PTPRN2: variants seen among roughly 807,000 people sequenced by gnomAD.
PTPRN2 encodes protein tyrosine phosphatase receptor type N2.
In PTPRN2, 74 loss-of-function variants were observed where a neutral mutation model predicts 118.8. That is an observed-to-expected ratio of 0.62 (90% confidence interval 0.52 to 0.76). PTPRN2 has a LOEUF of 0.76. Among genes scored for constraint, PTPRN2 ranks in the 30% least tolerant of loss-of-function variants. PTPRN2 has a pLI of 0.00. For synonymous variants in PTPRN2, 641 were observed against 608.0 expected (o/e 1.05, Z -0.80); for missense variants, 1,481 against 1,394.4 (o/e 1.06, Z -0.99).
At chr7:157,931,549 C>G (rs1799357636) in intron 11 of PTPRN2, among the ~76,000 whole-genome samples, 1 of 152,194 alleles carries the variant, frequency 6.6e-6, no homozygotes, top group African/African-American at 2.4e-5. Flanking sequence ...GAGGCACATG[C>G]CTTCGTGTGG....
chr7:158,461,365 A>G (rs946700668), intron 2 of PTPRN2, among the ~76,000 whole-genome samples: 3 of 152,174 alleles, frequency 2.0e-5, no homozygotes, highest in Middle Eastern at 3.4e-3. Context: ...GCGTGGTGGC[A>G]GGCGCCTGTA....
rs1009954408 is a variant in PTPRN2 at position 157,869,356 on chromosome 7, A to C, written c.1788+29317T>G. Among the ~76,000 whole-genome samples the C allele has an allele frequency of 6.6e-6, 1 of 152,256 alleles. No homozygotes were observed. The highest frequency in any genetic ancestry group is 1.5e-5 in the Non-Finnish European group (1 of 68,044). ...GATGACAGAGTTACACTTAATGCCAAAGTAAAGAAAAAGTTTACATTTTTC... is the reference window on the plus strand; with the variant it reads ...GATGACAGAGTTACACTTAATGCCACAGTAAAGAAAAAGTTTACATTTTTC... On this transcript the variant is annotated intron_variant, in intron 12 of 22. Coordinates refer to ENST00000389418, the MANE Select transcript of PTPRN2 (RefSeq NM_002847.5). The surrounding 1 kb of genome is among the most constrained non-coding windows in gnomAD (Gnocchi z 4.2).
intron 12 of PTPRN2, among the ~76,000 whole-genome samples, chr7:157,880,757 A>C (rs1286381511): frequency 6.6e-6 from 1 of 152,172 alleles, no homozygotes; most frequent in African/African-American, 2.4e-5. Flanking sequence ...AATCGCGCTA[A>C]ATTTTATTCA....
Position 158,502,539 on chromosome 7 carries a change from C to T in PTPRN2, c.113-12754G>A, listed in dbSNP as rs143141496. Among the ~76,000 whole-genome samples, 867 of 152,288 alleles carry T rather than the reference C, an allele frequency of 5.7e-3. 8 individuals carry two copies. The highest frequency in any genetic ancestry group is 0.02 in the African/African-American group (832 of 41,556). On this transcript the variant is annotated intron_variant, in intron 1 of 22. Transcript: ENST00000389418. ...GGCCACCAGCCCCACCCCTGCTCCT[C>T]GGGACGCCTTCCTCCCGGCTGCACT...
In PTPRN2 at chr7:158,273,459, C is replaced by CA. The variant is rs1563072640; in HGVS notation, c.277+43359_277+43360insT. Among the ~76,000 whole-genome samples, 118 of 142,640 alleles carry CA rather than the reference C, an allele frequency of 8.3e-4. 19 individuals are homozygous for CA. Among genetic ancestry groups the CA allele is most frequent in the South Asian group, 3.4e-3 (15 of 4,400 alleles). The allele number at this position is 142,640 out of a possible 152,430, so 93.6% of individuals were successfully genotyped here. A position where few individuals can be genotyped will look rare whatever the true frequency, so the allele number is the denominator to read the frequency against. ...AGACAGACGCGGGAGGAGCCGCAGA[C>CA]GCAGGGGGAGCCGCAGGCACAGGGG... On this transcript the variant is annotated intron_variant, in intron 3 of 22. Transcript: ENST00000389418.
intron 10 of PTPRN2, among the ~76,000 whole-genome samples, chr7:158,084,951 C>T (rs1249520465): frequency 2.1e-5 from 3 of 139,898 alleles, no homozygotes; most frequent in Non-Finnish European, 4.6e-5. Flanking sequence ...CCATCCACAC[C>T]CACGACGCCC....
At chr7:157,541,946 T>G (rs1164218894) in intron 22 of PTPRN2, among the ~76,000 whole-genome samples, 1 of 152,234 alleles carries the variant, frequency 6.6e-6, no homozygotes, top group Admixed American at 6.5e-5. Flanking sequence ...CCTTTGGTAG[T>G]GTGGCCACGC....
intron 12 of PTPRN2, among the ~76,000 whole-genome samples, chr7:157,800,181 C>T (rs1425991459): frequency 6.6e-6 from 1 of 151,460 alleles, no homozygotes; most frequent in Non-Finnish European, 1.5e-5. Context: ...CAGATGCCCT[C>T]CTCCATCCCT....
chr7:158,159,708 A>G (rs1051415511), intron 6 of PTPRN2, among the ~76,000 whole-genome samples: 2 of 152,220 alleles, frequency 1.3e-5, no homozygotes, highest in East Asian at 3.8e-4. Context: ...CATCTCCTAA[A>G]GTGATTTCCA....
chr7:157,656,032 C>T (rs1170219534), intron 14 of PTPRN2, among the ~76,000 whole-genome samples: 5 of 95,270 alleles, frequency 5.2e-5, no homozygotes, highest in Admixed American at 1.2e-4. Flanking sequence ...AAAACGGCAG[C>T]GCACATGGTA....
intron 11 of PTPRN2, among the ~76,000 whole-genome samples, chr7:157,930,054 C>T (rs548432372): frequency 6.6e-6 from 1 of 152,312 alleles, no homozygotes; most frequent in South Asian, 2.1e-4. Context: ...TGCCATCGTG[C>T]ACACTGTTTT....
intron 12 of PTPRN2, among the ~76,000 whole-genome samples, chr7:157,683,480 G>A (rs1797010394): frequency 6.6e-6 from 1 of 152,156 alleles, no homozygotes. Context: ...AGGGGATTTG[G>A]ATCCACCTGT....
rs552618320 is a variant in PTPRN2, at chr7:157,629,438, C to A, written c.2197-7929G>T. On this transcript the variant is annotated intron_variant, in intron 14 of 22. Coordinates refer to ENST00000389418, the MANE Select transcript of PTPRN2 (RefSeq NM_002847.5). The surrounding 1 kb of genome is among the most constrained non-coding windows in gnomAD (Gnocchi z 4.4). ...AAATAATAATGAGAATAAACTCCCACCATGCAATACTAAAACTCCTAAGGA... is the reference window on the plus strand; with the variant it reads ...AAATAATAATGAGAATAAACTCCCAACATGCAATACTAAAACTCCTAAGGA... Among the ~76,000 whole-genome samples the A allele has an allele frequency of 6.6e-6, 1 of 152,082 alleles. No homozygotes were observed. Among genetic ancestry groups the A allele is most frequent in the Non-Finnish European group, 1.5e-5 (1 of 68,026 alleles).
At chr7:157,884,968 TG>T (rs1186811756) in intron 12 of PTPRN2, among the ~76,000 whole-genome samples, 4 of 152,200 alleles carry the variant, frequency 2.6e-5, no homozygotes, top group Non-Finnish European at 5.9e-5. Flanking sequence ...CCCGTTTCTC[TG>T]GGTATGGCTC....
At chr7:157,721,712 A>C (rs111925537) in intron 12 of PTPRN2, among the ~76,000 whole-genome samples, 1 of 152,108 alleles carries the variant, frequency 6.6e-6, no homozygotes, top group African/African-American at 2.4e-5. Flanking sequence ...GTTTCCTCAC[A>C]GATGTTTGGG....
intron 12 of PTPRN2, among the ~76,000 whole-genome samples, chr7:157,736,205 C>G (rs1191504318): frequency 6.6e-6 from 1 of 152,228 alleles, no homozygotes; most frequent in Non-Finnish European, 1.5e-5. Flanking sequence ...GGAGGCTGCT[C>G]TTAGCCAGAA....
intron 6 of PTPRN2, among the ~76,000 whole-genome samples, chr7:158,162,785 G>A (rs1822478332): frequency 6.6e-6 from 1 of 152,174 alleles, no homozygotes; most frequent in African/African-American, 2.4e-5. Flanking sequence ...CTTTTACCAG[G>A]TAAACTTTTG....
intron 12 of PTPRN2, among the ~76,000 whole-genome samples, chr7:157,777,594 G>T (rs1327828289): frequency 3.3e-5 from 5 of 152,218 alleles, no homozygotes; most frequent in Non-Finnish European, 5.9e-5. Context: ...ACTATGAAAG[G>T]GCAGTCCCGC....
At chr7:157,892,949 T>C (rs1584964406) in intron 12 of PTPRN2, among the ~76,000 whole-genome samples, 1 of 152,344 alleles carries the variant, frequency 6.6e-6, no homozygotes, top group East Asian at 1.9e-4. Flanking sequence ...CTGCACTCAC[T>C]TGGGGCAACA....
Sources: allele counts gnomAD v4.1 joint callset (sites outside exome capture counted in the v4.1 genomes callset), GRCh38; gene constraint gnomAD v4.1.1; non-coding constraint Gnocchi (gnomAD v3.1); transcripts MANE v1.5; gene names NCBI Gene and HGNC (gene_info 2026-07-23, HGNC 2026-07-21).